Variants in SVEP1 observed in about 807,000 individuals in gnomAD.
SVEP1 encodes sushi, von Willebrand factor type A, EGF and pentraxin domain containing 1.
SVEP1 carries 164 observed loss-of-function variants against 367.3 expected under a neutral mutation model. The observed-to-expected ratio is 0.45, with a 90% CI of 0.39 to 0.51. The LOEUF is 0.51. Ranked by LOEUF, SVEP1 falls within the 20% of genes least tolerant of loss-of-function variation. The pLI, the probability that SVEP1 is intolerant of heterozygous loss-of-function variation, is 0.00. For synonymous variants in SVEP1, 1,666 were observed against 1,611.6 expected, an observed-to-expected ratio of 1.03 and a Z score of -0.81; for missense variants, 4,117 against 4,425.3, an observed-to-expected ratio of 0.93 and a Z score of 1.98.
chr9:110,513,162 T>C (rs1829750074), intron 4 of SVEP1, 57 bp from the exon 5 acceptor site: 2 of 1,477,048 alleles, frequency 1.4e-6, no homozygotes, highest in Non-Finnish European at 1.8e-6. Context: ...CTATGACATA[T>C]CCTTTTTTTT....
Position 110,476,190 on chromosome 9 carries a change from C to T in SVEP1, c.2599+14G>A. 1 of 1,552,676 alleles carries T rather than the reference C, an allele frequency of 6.4e-7. No homozygotes were observed. Among genetic ancestry groups the T allele is most frequent in the Non-Finnish European group, 8.9e-7 (1 of 1,125,792 alleles). ...TTAGTCTTGCCAACTACCGATGCCA[C>T]AGAATTTAATTACCAATTGCAAAGC... On this transcript the variant is annotated intron_variant, in intron 14 of 47. Coordinates refer to ENST00000374469, the MANE Select transcript of SVEP1 (RefSeq NM_153366.4).
In SVEP1 at chr9:110,375,521, C is replaced by A. The variant is rs940122311; in HGVS notation, c.10505-58G>T. 5.1e-5 allele frequency: 70 copies of A among 1,378,916 alleles called. No homozygotes were observed. The African/African-American group carries it at 9.4e-4, about 18-fold the overall frequency. The allele number at this position is 1,378,916 out of a possible 1,614,324, so 85.4% of individuals were successfully genotyped here. ...CAGGGGGGATTGAAATGGCGTTGATCAAAGTACACATCTTAGATAGGTTCA... is the reference window on the plus strand; with the variant it reads ...CAGGGGGGATTGAAATGGCGTTGATAAAAGTACACATCTTAGATAGGTTCA... On this transcript the variant is annotated intron_variant, in intron 45 of 47. Transcript: ENST00000374469.
At chr9:110,463,448 CA>C (rs1216796159) in intron 18 of SVEP1, among the ~76,000 whole-genome samples, 16 of 151,828 alleles carry the variant, frequency 1.1e-4, no homozygotes, top group South Asian at 8.3e-4. Context: ...TTTTAAGTGC[CA>C]CATGATAGAG....
intron 3 of SVEP1, among the ~76,000 whole-genome samples, chr9:110,519,605 G>A (rs1308544605): frequency 6.6e-6 from 1 of 152,182 alleles, no homozygotes; most frequent in South Asian, 2.1e-4. Context: ...GTGTGCTCCT[G>A]TATATTCAAA....
At chr9:110,487,671 T>C (rs183516362) in intron 9 of SVEP1, among the ~76,000 whole-genome samples, 1 of 152,308 alleles carries the variant, frequency 6.6e-6, no homozygotes, top group African/African-American at 2.4e-5. Flanking sequence ...AAAATAGACC[T>C]GAGATAAATG....
Position 110,472,330 on chromosome 9 carries a change from A to G in SVEP1, c.2600-7T>C, listed in dbSNP as rs752763998. The G allele has an allele frequency of 6.4e-7, 1 of 1,560,626 alleles. No homozygotes were observed. The highest frequency in any genetic ancestry group is 1.2e-5 in the South Asian group (1 of 83,682). Reference sequence around the variant, plus strand: ...GCACCCCAGCCACCTGGTCCTGGATAGTCGGGGCAGAGACACAAATGATCA... The same window carrying G: ...GCACCCCAGCCACCTGGTCCTGGATGGTCGGGGCAGAGACACAAATGATCA... On this transcript the variant is annotated splice_polypyrimidine_tract_variant and splice_region_variant and intron_variant, in intron 14 of 47. Transcript: ENST00000374469.
intron 3 of SVEP1, among the ~76,000 whole-genome samples, chr9:110,522,004 G>C (rs1829882159): frequency 6.6e-6 from 1 of 151,710 alleles, no homozygotes; most frequent in Non-Finnish European, 1.5e-5. Context: ...ATTTTCTTAG[G>C]CAAAGGAATA....
chr9:110,538,205 T>G (rs979894296), intron 3 of SVEP1, among the ~76,000 whole-genome samples: 5 of 152,114 alleles, frequency 3.3e-5, no homozygotes, highest in African/African-American at 1.2e-4. Flanking sequence ...TCAATAGAAA[T>G]GGAACAAACT....
At chr9:110,391,475 T>C (rs1272273835) in intron 40 of SVEP1, among the ~76,000 whole-genome samples, 1 of 152,108 alleles carries the variant, frequency 6.6e-6, no homozygotes, top group African/African-American at 2.4e-5. Context: ...TTTCACCATG[T>C]TGGACAGGCT....
At chr9:110,397,936 C>T (rs1827791247) in intron 40 of SVEP1, among the ~76,000 whole-genome samples, 1 of 151,272 alleles carries the variant, frequency 6.6e-6, no homozygotes, top group South Asian at 2.1e-4. Flanking sequence ...TTTATAGATT[C>T]AATGCCATCC....
intron 29 of SVEP1, 41 bp from the exon 30 acceptor site, chr9:110,434,547 T>C: frequency 2.5e-6 from 4 of 1,591,202 alleles, no homozygotes; most frequent in South Asian, 2.3e-5. Flanking sequence ...GTCAGCGGCA[T>C]AGTGGTAGCA....
chr9:110,546,143 G>A lies in SVEP1; in HGVS notation c.936C>T (p.Tyr312=), dbSNP rs538874240. 1.7e-5 allele frequency: 26 copies of A among 1,552,822 alleles called. No individual in the cohort carries two copies. Among genetic ancestry groups the A allele is most frequent in the South Asian group, 1.2e-4 (10 of 84,072 alleles). Residue 312 remains tyrosine, a synonymous_variant, in exon 3 of 48, where the codon TAC becomes TAT. Transcript: ENST00000374469. The part of the protein sequence containing the change: ...HFECICEKGY[Y]GKGLQYECTA... ...TGCATTCATACTGCAGACCTTTCCC[G>A]TAATACCCCTTTTCACAGATGCACT... is the stretch of plus-strand genomic sequence containing the variant.
intron 1 of SVEP1, among the ~76,000 whole-genome samples, chr9:110,578,652 C>T (rs1351603415): frequency 6.6e-6 from 1 of 152,178 alleles, no homozygotes; most frequent in Non-Finnish European, 1.5e-5. Context: ...TTATATCACT[C>T]CATGTCCTAC....
Position 110,513,236 on chromosome 9 carries a change from T to G in SVEP1, c.1124-131A>C, listed in dbSNP as rs1443713274. On this transcript the variant is annotated intron_variant, in intron 4 of 47. Transcript: ENST00000374469. ...GCCTACAGCATTTCCATTTACCGCA[T>G]TTGGATTTTCAAGTACATATTTGGA... 19 of 881,408 alleles carry G rather than the reference T, an allele frequency of 2.2e-5. No individual in the cohort carries two copies. The East Asian group carries it at 5.2e-4, about 24-fold the overall frequency. The allele number at this position is 881,408 out of a possible 1,614,324, so 54.6% of individuals were successfully genotyped here. A position where few individuals can be genotyped will look rare whatever the true frequency, so the allele number is the denominator to read the frequency against.
chr9:110,457,393 CTATT>C (rs1338449929), intron 20 of SVEP1, 41 bp from the exon 21 acceptor site: 1 of 1,472,526 alleles, frequency 6.8e-7, no homozygotes, highest in African/African-American at 1.4e-5. Context: ...ACAAAGCACT[CTATT>C]TATTTCAAAG....
At chr9:110,367,768 ATG>A (rs1827221067) in intron 47 of SVEP1, among the ~76,000 whole-genome samples, 1 of 152,170 alleles carries the variant, frequency 6.6e-6, no homozygotes, top group Non-Finnish European at 1.5e-5. Flanking sequence ...GTATGGTGAC[ATG>A]TAAAAAATTC....
In SVEP1 at chr9:110,516,900, G is replaced by A. The variant is rs183167819; in HGVS notation, c.965-2794C>T. 4.0e-4 allele frequency among the ~76,000 whole-genome samples: 61 copies of A among 152,058 alleles called. No individual in the cohort carries two copies. The East Asian group carries it at 8.9e-3, about 22-fold the overall frequency. ...GTGCAAAAGTACTCATTAAGTTCCA[G>A]GAAAAATTAACAAAAGTCACATCCA... On this transcript the variant is annotated intron_variant, in intron 3 of 47. Coordinates refer to ENST00000374469, the MANE Select transcript of SVEP1 (RefSeq NM_153366.4).
At chr9:110,367,133 C>T (rs144774537) in intron 47 of SVEP1, among the ~76,000 whole-genome samples, 2 of 152,156 alleles carry the variant, frequency 1.3e-5, no homozygotes, top group Admixed American at 6.5e-5. Flanking sequence ...TATTGAGCAG[C>T]GACTTTTGTG....
chr9:110,454,350 A>T (rs1305828432), intron 22 of SVEP1, among the ~76,000 whole-genome samples: 1 of 152,212 alleles, frequency 6.6e-6, no homozygotes, highest in Non-Finnish European at 1.5e-5. Flanking sequence ...GAAGTTTTAC[A>T]TTTAAATCTT....
Sources: gnomAD v4.1 joint callset for allele counts (sites outside exome capture counted in the v4.1 genomes callset) on GRCh38, gnomAD v4.1.1 for gene constraint, MANE v1.5 for transcripts, NCBI Gene and HGNC (gene_info 2026-07-23, HGNC 2026-07-21) for gene names.